ADAM2: variants seen among roughly 807,000 people sequenced by gnomAD.
ADAM2 encodes the protein ADAM metallopeptidase domain 2.
A neutral mutation model predicts 99.3 loss-of-function variants in ADAM2; 101 were observed. The ratio of observed to expected loss-of-function variants is 1.02; its 90% CI spans 0.87 to 1.20. The LOEUF is 1.20. ADAM2 is among the 50% of genes most tolerant of loss of function. The pLI, the probability that ADAM2 is intolerant of heterozygous loss-of-function variation, is 0.00. For synonymous variants in ADAM2, 323 were observed against 287.6 expected (o/e 1.12, Z -1.25); for missense variants, 948 against 878.7 (o/e 1.08, Z -1.00).
intron 7 of ADAM2, among the ~76,000 whole-genome samples, chr8:39,803,630 T>A (rs1006591594): frequency 6.6e-6 from 1 of 152,226 alleles, no homozygotes; most frequent in East Asian, 1.9e-4. Context: ...TAATTGCTGA[T>A]AAAAGCCAAT....
rs61653294 is a variant in ADAM2 at position 39,765,026 on chromosome 8, AAAATAAATAAATAAAT to A, written c.1507+1806_1507+1821del. Among the ~76,000 whole-genome samples, 1,031 of 145,320 alleles carry A rather than the reference AAAATAAATAAATAAAT, an allele frequency of 7.1e-3. 13 individuals carry two copies. The highest frequency in any genetic ancestry group is 0.024 in the African/African-American group (938 of 39,148). ...CGACAGAGCAAGACTCCGGCTCCAA[AAAATAAATAAATAAAT>A]AAATAAATAAATAAATAAATAAATA... On this transcript the variant is annotated intron_variant, in intron 14 of 20. Coordinates refer to ENST00000265708, the MANE Select transcript of ADAM2 (RefSeq NM_001464.5).
chr8:39,745,337 G>A lies in ADAM2; in HGVS notation c.2175-444C>T, dbSNP rs959368647. Among the ~76,000 whole-genome samples the A allele has an allele frequency of 4.0e-5, 6 of 151,826 alleles. No individual in the cohort carries two copies. The East Asian group carries it at 5.8e-4, about 15-fold the overall frequency. On this transcript the variant is annotated intron_variant, in intron 19 of 20. Coordinates refer to ENST00000265708, the MANE Select transcript of ADAM2 (RefSeq NM_001464.5). ...TTAAATAATGACTAAGTTATTACTC[G>A]TTTAGGTGCTGTATATTATTTCAGC...
intron 1 of ADAM2, among the ~76,000 whole-genome samples, chr8:39,837,915 A>G (rs1016825971): frequency 6.6e-6 from 1 of 152,122 alleles, no homozygotes; most frequent in African/African-American, 2.4e-5. Flanking sequence ...AGGACCTCCT[A>G]TCTTATCTTT....
At chr8:39,776,885 A>G (rs1803010915) in intron 11 of ADAM2, 140 bp downstream of exon 11, 1 of 566,428 alleles carries the variant, frequency 1.8e-6, no homozygotes. Context: ...CATCGTGGGC[A>G]TTGGAATACA....
In ADAM2 at chr8:39,824,893, AG is replaced by A. The variant is rs772354945; in HGVS notation, c.192del (p.Leu66TyrfsTer16). 3.5e-6 allele frequency: 5 copies of A among 1,431,984 alleles called. No homozygotes were observed. The highest frequency in any genetic ancestry group is 1.4e-5 in the African/African-American group (1 of 70,402). 88.7% of individuals were successfully genotyped at this position (1,431,984 alleles called of 1,614,324 possible). A position where few individuals can be genotyped will look rare whatever the true frequency, so the allele number is the denominator to read the frequency against. ...TAAACTCTAAAATTATGGGGTAAAA[AG>A]TTTCTGTAACATAAAGATAAAATGG... Reference protein sequence around the residue: ...KPYTVNLMQKNFLPHNFRVYS... With the variant: ...KPYTVNLMQKXFLPHNFRVYS... On this transcript the variant is annotated frameshift_variant, in exon 4 of 21. Coordinates refer to ENST00000265708, the MANE Select transcript of ADAM2 (RefSeq NM_001464.5). LOFTEE classifies it high-confidence loss of function.
intron 7 of ADAM2, among the ~76,000 whole-genome samples, chr8:39,790,119 G>C (rs1313561453): frequency 6.6e-6 from 1 of 151,878 alleles, no homozygotes; most frequent in Non-Finnish European, 1.5e-5. Flanking sequence ...CATTTCTGAA[G>C]ACAGTTTGTC....
intron 11 of ADAM2, among the ~76,000 whole-genome samples, chr8:39,772,510 A>G (rs1452620022): frequency 6.6e-6 from 1 of 152,090 alleles, no homozygotes; most frequent in African/African-American, 2.4e-5. Context: ...CTGTGTAGAA[A>G]TACAGTGTGA....
intron 6 of ADAM2, among the ~76,000 whole-genome samples, chr8:39,815,121 T>C (rs1419028969): frequency 6.6e-6 from 1 of 152,094 alleles, no homozygotes; most frequent in Non-Finnish European, 1.5e-5. Context: ...TGCATTTTTG[T>C]GAAATGAATA....
intron 19 of ADAM2, among the ~76,000 whole-genome samples, chr8:39,745,187 T>A (rs993826439): frequency 6.6e-6 from 1 of 152,208 alleles, no homozygotes; most frequent in Non-Finnish European, 1.5e-5. Flanking sequence ...TTTAAACTTT[T>A]TGCCATTCAT....
intron 7 of ADAM2, among the ~76,000 whole-genome samples, chr8:39,795,975 C>G (rs763412182): frequency 2.6e-5 from 4 of 151,932 alleles, no homozygotes; most frequent in Non-Finnish European, 5.9e-5. Flanking sequence ...CCTTGATTAT[C>G]TTTAGTAGAA....
chr8:39,832,642 GT>G (rs752500336), intron 3 of ADAM2, among the ~76,000 whole-genome samples: 5 of 152,072 alleles, frequency 3.3e-5, no homozygotes, highest in Non-Finnish European at 7.4e-5. Flanking sequence ...TGAGCCAAGA[GT>G]TTTTTGGCAA....
At chr8:39,788,388 A>T in intron 8 of ADAM2, 137 bp from the exon 9 acceptor site, 1 of 581,862 alleles carries the variant, frequency 1.7e-6, no homozygotes, top group Non-Finnish European at 2.8e-6. Context: ...AAAGTAGATT[A>T]GTAAGTTTAA....
At chr8:39,838,061 G>A (rs1805911266) in intron 1 of ADAM2, 70 bp downstream of exon 1, 2 of 1,526,618 alleles carry the variant, frequency 1.3e-6, no homozygotes, top group South Asian at 1.1e-5. Flanking sequence ...GGATGTCAAT[G>A]TAACTTGGAG....
intron 10 of ADAM2, among the ~76,000 whole-genome samples, chr8:39,785,208 A>G (rs1280802525): frequency 6.6e-6 from 1 of 152,228 alleles, no homozygotes; most frequent in African/African-American, 2.4e-5. Flanking sequence ...TATTTAATCC[A>G]TCTTGAGTTA....
intron 2 of ADAM2, among the ~76,000 whole-genome samples, chr8:39,836,502 T>A (rs1180677150): frequency 6.6e-6 from 1 of 151,968 alleles, no homozygotes; most frequent in East Asian, 1.9e-4. Context: ...TAAGGAAATG[T>A]TTGCATTTAA....
At chr8:39,813,858 G>A (rs568270614) in intron 6 of ADAM2, among the ~76,000 whole-genome samples, 1 of 152,136 alleles carries the variant, frequency 6.6e-6, no homozygotes, top group East Asian at 1.9e-4. Flanking sequence ...CATGGCACGT[G>A]TATACATATG....
At chr8:39,763,079 CTG>C (rs950288692) in intron 14 of ADAM2, among the ~76,000 whole-genome samples, 5 of 152,152 alleles carry the variant, frequency 3.3e-5, no homozygotes, top group African/African-American at 1.2e-4. Flanking sequence ...CGTTGGAGCT[CTG>C]TGAAAGCGCT....
rs1342432346 is a variant in ADAM2 at position 39,814,948 on chromosome 8, AAAGT to A, written c.514-5486_514-5483del. Among the ~76,000 whole-genome samples, 12 of 151,940 alleles carry A rather than the reference AAAGT, an allele frequency of 7.9e-5. 1 individual carries two copies. In the South Asian group the frequency reaches 1.0e-3, roughly 13 times the overall value. On this transcript the variant is annotated intron_variant, in intron 6 of 20. Transcript: ENST00000265708. ...GTGAATGTATAAGGAAAAGTCAGAA[AAAGT>A]AAGAAAGAATGAGAAGCAAGAGACA...
intron 11 of ADAM2, among the ~76,000 whole-genome samples, chr8:39,774,984 G>A (rs1441843009): frequency 2.0e-5 from 3 of 152,042 alleles, no homozygotes; most frequent in Admixed American, 2.0e-4. Flanking sequence ...GCAGGAATAA[G>A]GGTGTAAGGA....
Sources: allele counts gnomAD v4.1 joint callset (sites outside exome capture counted in the v4.1 genomes callset), GRCh38; gene constraint gnomAD v4.1.1; transcripts MANE v1.5; gene names NCBI Gene and HGNC (gene_info 2026-07-23, HGNC 2026-07-21).